Variants in CHODL observed in about 807,000 individuals in gnomAD.
CHODL encodes the protein transmembrane protein MT75.
A neutral mutation model predicts 34.5 loss-of-function variants in CHODL; 29 were observed. The ratio of observed to expected loss-of-function variants is 0.84; its 90% confidence interval spans 0.63 to 1.15. The LOEUF is 1.15. Among genes scored for constraint, CHODL ranks in the 50% most tolerant of loss-of-function variants. CHODL has a pLI of 0.00. For synonymous variants in CHODL, 125 were observed against 116.1 expected (o/e 1.08, Z -0.49); for missense variants, 332 against 332.5 (o/e 1.00, Z 0.01).
chr21:17,988,634 T>A (rs1055181529), intron 1 of CHODL, among the ~76,000 whole-genome samples: 1 of 126,300 alleles, frequency 7.9e-6, no homozygotes, highest in Non-Finnish European at 1.6e-5. Context: ...CACCTATGAG[T>A]GAGAATATGC....
At chr21:18,022,004 GC>G (rs1266062091) in intron 1 of CHODL, among the ~76,000 whole-genome samples, 3 of 152,142 alleles carry the variant, frequency 2.0e-5, no homozygotes, top group Non-Finnish European at 4.4e-5. Flanking sequence ...TGAGGGTGAA[GC>G]CCCCGCCACC....
At chr21:18,230,194 A>T (rs2073966515) in intron 2 of CHODL, among the ~76,000 whole-genome samples, 1 of 152,066 alleles carries the variant, frequency 6.6e-6, no homozygotes, top group African/African-American at 2.4e-5. Flanking sequence ...GGGTCCTCTT[A>T]GTCCTGGCTC....
At chr21:17,955,392 T>C (rs536896402) in intron 1 of CHODL, among the ~76,000 whole-genome samples, 24 of 137,470 alleles carry the variant, frequency 1.7e-4, no homozygotes, top group African/African-American at 5.7e-4. Context: ...TGTGCTATTA[T>C]TGTCATAGAT....
intron 2 of CHODL, among the ~76,000 whole-genome samples, chr21:18,104,985 C>T (rs2065256522): frequency 2.6e-5 from 4 of 152,152 alleles, no homozygotes; most frequent in African/African-American, 7.2e-5. Context: ...GTTTGGCTGC[C>T]CAGCAGCTGA....
In CHODL at chr21:18,135,894, G is replaced by A. The variant is rs577647912; in HGVS notation, c.-45+107923G>A. ...GAGGCCAAGGCGGATGGATCATGAG[G>A]TCAGGAGATCAAGACAATCCCGGCC... On this transcript the variant is annotated intron_variant, in intron 2 of 6. Transcript: ENST00000400127. 7.2e-5 allele frequency among the ~76,000 whole-genome samples: 11 copies of A among 152,102 alleles called. No homozygotes were observed. The South Asian group carries it at 2.3e-3, about 32-fold the overall frequency.
At chr21:18,122,809 T>C (rs2065496344) in intron 2 of CHODL, among the ~76,000 whole-genome samples, 1 of 152,248 alleles carries the variant, frequency 6.6e-6, no homozygotes, top group South Asian at 2.1e-4. Flanking sequence ...TAGACGCTTA[T>C]TTATCTACCT....
intron 2 of CHODL, among the ~76,000 whole-genome samples, chr21:18,095,799 T>C (rs1396586188): frequency 6.6e-6 from 1 of 152,208 alleles, no homozygotes; most frequent in Non-Finnish European, 1.5e-5. Context: ...GTAAAGATTA[T>C]TTATCATGAC....
At chr21:18,032,353 C>G (rs1443635784) in intron 2 of CHODL, among the ~76,000 whole-genome samples, 2 of 151,972 alleles carry the variant, frequency 1.3e-5, no homozygotes, top group African/African-American at 4.8e-5. Flanking sequence ...CATTTAAAAA[C>G]ATTTTTAAAA....
At chr21:17,971,002 T>C in intron 1 of CHODL, among the ~76,000 whole-genome samples, 1 of 152,032 alleles carries the variant, frequency 6.6e-6, no homozygotes, top group East Asian at 1.9e-4. Context: ...TCTGTTGGTG[T>C]GTTAGTTTGC....
At chr21:18,231,738 C>T (rs1309312760) in intron 2 of CHODL, among the ~76,000 whole-genome samples, 2 of 152,038 alleles carry the variant, frequency 1.3e-5, no homozygotes, top group African/African-American at 4.8e-5. Context: ...TCTGTTTGCT[C>T]CTCAGGCCTT....
chr21:17,939,401 T>G (rs1470209910), intron 1 of CHODL, among the ~76,000 whole-genome samples: 1 of 152,252 alleles, frequency 6.6e-6, no homozygotes, highest in Non-Finnish European at 1.5e-5. Flanking sequence ...TGTCACATAT[T>G]GCTGAATTTC....
chr21:18,235,779 T>TA (rs1301066935), intron 2 of CHODL, among the ~76,000 whole-genome samples: 1 of 152,094 alleles, frequency 6.6e-6, no homozygotes, highest in Non-Finnish European at 1.5e-5. Context: ...ACTAGAACAT[T>TA]AAAGGTGAGA....
At chr21:18,217,140 G>A (rs1211989633) in intron 2 of CHODL, among the ~76,000 whole-genome samples, 1 of 151,814 alleles carries the variant, frequency 6.6e-6, no homozygotes, top group Non-Finnish European at 1.5e-5. Flanking sequence ...TTGATATACT[G>A]ATTTTCTTTC....
At chr21:18,008,643 C>G (rs900284238) in intron 1 of CHODL, among the ~76,000 whole-genome samples, 1 of 152,088 alleles carries the variant, frequency 6.6e-6, no homozygotes, top group South Asian at 2.1e-4. Context: ...GCATAATATC[C>G]TCTAGGTTTA....
chr21:18,039,317 T>A (rs560233206), intron 2 of CHODL, among the ~76,000 whole-genome samples: 1 of 151,876 alleles, frequency 6.6e-6, no homozygotes, highest in Admixed American at 6.6e-5. Context: ...ATAGAAAGTG[T>A]TAAGTTTGTA....
intron 2 of CHODL, among the ~76,000 whole-genome samples, chr21:18,099,713 T>G (rs2065188072): frequency 6.6e-6 from 1 of 152,114 alleles, no homozygotes; most frequent in Non-Finnish European, 1.5e-5. Context: ...AATCAAATTA[T>G]TCAATAAACA....
intron 2 of CHODL, among the ~76,000 whole-genome samples, chr21:18,221,781 G>C (rs1568943085): frequency 6.6e-6 from 1 of 152,344 alleles, no homozygotes; most frequent in East Asian, 1.9e-4. Flanking sequence ...ATCAGCATTA[G>C]TGGTGGCAGG....
At chr21:18,090,422 A>G (rs889013885) in intron 2 of CHODL, among the ~76,000 whole-genome samples, 2 of 152,192 alleles carry the variant, frequency 1.3e-5, no homozygotes, top group Non-Finnish European at 2.9e-5. Flanking sequence ...AAAGGCTTGA[A>G]ACATAAAAGA....
At chr21:18,251,497 A>C (rs1441139427) in intron 1 of CHODL, among the ~76,000 whole-genome samples, 3 of 49,738 alleles carry the variant, frequency 6.0e-5, no homozygotes, top group African/African-American at 1.9e-4. Flanking sequence ...ATATAAAATA[A>C]ATATTTATTT....
Sources: allele counts gnomAD v4.1 joint callset (sites outside exome capture counted in the v4.1 genomes callset), GRCh38; gene constraint gnomAD v4.1.1; transcripts MANE v1.5; gene names NCBI Gene and HGNC (gene_info 2026-07-23, HGNC 2026-07-21).